The following UBA2 variants were observed in gnomAD, a reference collection of about 807,000 sequenced individuals.
UBA2 encodes SUMO-activating enzyme subunit 2.
Under a neutral mutation model 77.2 loss-of-function variants are expected in UBA2, and 11 were observed. The ratio of observed to expected loss-of-function variants is 0.14; its 90% CI spans 0.09 to 0.24. The LOEUF (loss-of-function observed/expected upper bound fraction) is 0.24, where lower values mean the gene tolerates loss of function less well. Ranked by LOEUF, UBA2 falls within the 10% of genes least tolerant of loss-of-function variation. The pLI is 1.00. For synonymous variants in UBA2, 278 were observed against 276.7 expected, an observed-to-expected ratio of 1.00 and a Z score of -0.05; for missense variants, 487 against 781.7, an observed-to-expected ratio of 0.62 and a Z score of 4.50.
chr19:34,441,377 C>T (rs963135160), intron 6 of UBA2, among the ~76,000 whole-genome samples: 1 of 152,008 alleles, frequency 6.6e-6, no homozygotes, highest in Non-Finnish European at 1.5e-5. Flanking sequence ...ATGGCGTGAA[C>T]CCGGGAGGCG....
At chr19:34,438,132 A>T (rs2075329798) in intron 5 of UBA2, among the ~76,000 whole-genome samples, 1 of 151,956 alleles carries the variant, frequency 6.6e-6, no homozygotes, top group Non-Finnish European at 1.5e-5. Context: ...GTGTAGGGAG[A>T]TATATCTTGA....
intron 12 of UBA2, among the ~76,000 whole-genome samples, chr19:34,455,902 A>G (rs1186308044): frequency 4.0e-5 from 6 of 151,344 alleles, no homozygotes; most frequent in African/African-American, 1.5e-4. Flanking sequence ...GGCCTCCCAA[A>G]GTGCTGGGAT....
At chr19:34,454,907 C>A (rs1161419252) in intron 12 of UBA2, among the ~76,000 whole-genome samples, 2 of 152,172 alleles carry the variant, frequency 1.3e-5, no homozygotes, top group African/African-American at 4.8e-5. Context: ...CCTGTTCAGT[C>A]ATTCTCCTAT....
intron 9 of UBA2, among the ~76,000 whole-genome samples, chr19:34,451,640 C>T (rs1038287094): frequency 7.3e-5 from 11 of 149,964 alleles, no homozygotes; most frequent in Non-Finnish European, 1.3e-4. Flanking sequence ...CTCCGCCTCC[C>T]GGGTTCGCGC....
At chr19:34,453,177 T>C (rs898862687) in intron 10 of UBA2, among the ~76,000 whole-genome samples, 1 of 152,164 alleles carries the variant, frequency 6.6e-6, no homozygotes, top group Non-Finnish European at 1.5e-5. Flanking sequence ...TTTAATAGAT[T>C]AAGAGATTTT....
At chr19:34,442,694 G>A (rs1254097015) in intron 6 of UBA2, among the ~76,000 whole-genome samples, 2 of 152,038 alleles carry the variant, frequency 1.3e-5, no homozygotes, top group Admixed American at 6.6e-5. Flanking sequence ...GCCTCCCAAA[G>A]TGTTGGGATT....
At chr19:34,446,527 A>G (rs2075432192) in intron 8 of UBA2, among the ~76,000 whole-genome samples, 1 of 151,794 alleles carries the variant, frequency 6.6e-6, no homozygotes, top group Non-Finnish European at 1.5e-5. Flanking sequence ...GTCTTAATCA[A>G]ATGACATACT....
intron 8 of UBA2, among the ~76,000 whole-genome samples, chr19:34,449,115 G>T (rs559271931): frequency 7.3e-6 from 1 of 136,904 alleles, no homozygotes; most frequent in African/African-American, 2.8e-5. Flanking sequence ...CTGTTGCCAG[G>T]CTGGAGTGCA....
At chr19:34,448,201 C>T (rs1344167580) in intron 8 of UBA2, among the ~76,000 whole-genome samples, 1 of 152,058 alleles carries the variant, frequency 6.6e-6, no homozygotes, top group South Asian at 2.1e-4. Flanking sequence ...TTGTGCAGTG[C>T]CAGAATAATC....
chr19:34,438,988 C>T (rs1017976408), intron 6 of UBA2, among the ~76,000 whole-genome samples: 5 of 152,094 alleles, frequency 3.3e-5, no homozygotes, highest in Non-Finnish European at 5.9e-5. Context: ...GTGGTCGGAT[C>T]ACCTGAGCGC....
At chr19:34,431,780 T>TAACA in intron 2 of UBA2, 81 bp from the exon 3 acceptor site, 1 of 1,242,292 alleles carries the variant, frequency 8.0e-7, no homozygotes, top group South Asian at 1.2e-5. Flanking sequence ...TGTAAGTAGA[T>TAACA]AACAGCATTG....
intron 2 of UBA2, among the ~76,000 whole-genome samples, chr19:34,431,265 T>C (rs1480454039): frequency 4.9e-5 from 7 of 143,864 alleles, no homozygotes; most frequent in Admixed American, 4.2e-4. Context: ...TTTTTTTTTT[T>C]TTTAGAGATA....
chr19:34,444,698 T>C (rs565823892), intron 7 of UBA2, among the ~76,000 whole-genome samples: 2 of 152,278 alleles, frequency 1.3e-5, no homozygotes, highest in African/African-American at 4.8e-5. Context: ...TCCCAACTAC[T>C]TGTGAGGTTG....
rs1008717387 is a variant in UBA2, at chr19:34,470,771, C to T, written c.*1550C>T. ...ACTCCTGACCTCGTGATCCACCTGCCTCAGCCTCCCAAAGTGCTGGGATTA... is the reference window on the plus strand; with the variant it reads ...ACTCCTGACCTCGTGATCCACCTGCTTCAGCCTCCCAAAGTGCTGGGATTA... On this transcript the variant is annotated 3_prime_UTR_variant, in exon 17 of 17. Transcript: ENST00000246548. 6.6e-6 allele frequency: 1 copy of T among 152,292 alleles called. No individual in the cohort carries two copies. Among genetic ancestry groups the T allele is most frequent in the Admixed American group, 6.5e-5 (1 of 15,284 alleles). 9.4% of individuals were successfully genotyped at this position (152,292 alleles called of 1,614,324 possible).
At chr19:34,440,697 C>T (rs948427992) in intron 6 of UBA2, among the ~76,000 whole-genome samples, 4 of 152,088 alleles carry the variant, frequency 2.6e-5, no homozygotes, top group Non-Finnish European at 5.9e-5. Context: ...GAAGCTGAAG[C>T]GGGTGGATCA....
intron 12 of UBA2, among the ~76,000 whole-genome samples, chr19:34,455,388 G>T (rs1055263629): frequency 6.6e-6 from 1 of 152,092 alleles, no homozygotes; most frequent in Non-Finnish European, 1.5e-5. Flanking sequence ...AGTGGTGGGT[G>T]GGGTAGGTGT....
intron 2 of UBA2, 86 bp from the exon 3 acceptor site, chr19:34,431,775 G>A: frequency 4.3e-6 from 5 of 1,160,370 alleles, no homozygotes; most frequent in Non-Finnish European, 6.5e-6. Context: ...TACTATGTAA[G>A]TAGATAACAG....
At chr19:34,428,640 C>G in intron 1 of UBA2, 70 bp downstream of exon 1, 1 of 1,231,152 alleles carries the variant, frequency 8.1e-7, no homozygotes, top group Non-Finnish European at 1.0e-6. Flanking sequence ...GGTTCCGGGG[C>G]TCCAGGGGCT....
Position 34,456,100 on chromosome 19 carries a change from C to CTTTTTTTTTTTTTTTTTT in UBA2, c.1245+1549_1245+1550insTTTTTTTTTTTTTTTTTT, listed in dbSNP as rs869118014. Among the ~76,000 whole-genome samples, 253 of 55,788 alleles carry CTTTTTTTTTTTTTTTTTT rather than the reference C, an allele frequency of 4.5e-3. 68 individuals carry two copies. Among genetic ancestry groups the CTTTTTTTTTTTTTTTTTT allele is most frequent in the Middle Eastern group, 0.038 (2 of 52 alleles). 36.6% of individuals were successfully genotyped at this position (55,788 alleles called of 152,430 possible). ...CCCGATGCGCTCTTTTTTTCCTTTTCTTTTTCTTTTTTTTTTTTTTTTTTG... is the reference window on the plus strand; with the variant it reads ...CCCGATGCGCTCTTTTTTTCCTTTTCTTTTTTTTTTTTTTTTTTTTTTTCTTTTTTTTTTTTTTTTTTG... On this transcript the variant is annotated intron_variant, in intron 12 of 16. Coordinates refer to ENST00000246548, the MANE Select transcript of UBA2 (RefSeq NM_005499.3).
Sources: gnomAD v4.1 joint callset for allele counts (sites outside exome capture counted in the v4.1 genomes callset) on GRCh38, gnomAD v4.1.1 for gene constraint, MANE v1.5 for transcripts, NCBI Gene and HGNC (gene_info 2026-07-23, HGNC 2026-07-21) for gene names.